LAMA4: variants seen among roughly 807,000 people sequenced by gnomAD.
The protein encoded by LAMA4 is laminin subunit alpha-4.
A neutral mutation model predicts 207.1 loss-of-function variants in LAMA4; 127 were observed. That is an observed-to-expected ratio of 0.61 (90% confidence interval 0.53 to 0.71). The LOEUF is 0.71. Ranked by LOEUF, LAMA4 falls within the 30% of genes least tolerant of loss-of-function variation. LAMA4 has a pLI of 0.00. For missense variants in LAMA4, 2,093 were observed against 2,246.5 expected, an observed-to-expected ratio of 0.93 and a Z score of 1.38; for synonymous variants, 761 against 816.0, an observed-to-expected ratio of 0.93 and a Z score of 1.15.
intron 2 of LAMA4, among the ~76,000 whole-genome samples, chr6:112,220,846 T>TG (rs1784884543): frequency 1.3e-5 from 2 of 152,168 alleles, no homozygotes; most frequent in Non-Finnish European, 2.9e-5. Context: ...AGTTATTAAA[T>TG]AAAGTGGGTA....
In LAMA4 at chr6:112,158,878, A is replaced by G. The variant is rs1554337654; in HGVS notation, c.1671T>C (p.Asn557=). The G allele has an allele frequency of 6.2e-7, 1 of 1,606,234 alleles. No homozygotes were observed. Among genetic ancestry groups the G allele is most frequent in the Admixed American group, 1.7e-5 (1 of 59,942 alleles). ...TLSELDDIIK[N]ASGIYAEIDG... ...CTATTTCTGCATAAATCCCTGACGC[A>G]TTCTAAAGAAAAAAATTTTAATAAA... Residue 557 remains asparagine, a splice_region_variant and synonymous_variant, in exon 14 of 39, where the codon AAT becomes AAC. Transcript: ENST00000230538.
chr6:112,253,523 G>T, intron 2 of LAMA4: 1 of 482,366 alleles, frequency 2.1e-6, no homozygotes, highest in Non-Finnish European at 3.8e-6. Flanking sequence ...TGTCTAATAT[G>T]AGACAAAAAG....
intron 6 of LAMA4, among the ~76,000 whole-genome samples, chr6:112,191,319 G>A (rs1326705257): frequency 6.6e-6 from 1 of 152,088 alleles, no homozygotes; most frequent in Non-Finnish European, 1.5e-5. Context: ...CCTGGTTAAT[G>A]GCAGGTAATC....
rs1035020919 is a variant in LAMA4 at position 112,128,966 on chromosome 6, T to C, written c.4243A>G (p.Lys1415Glu). Residue 1415 changes from lysine (K) to glutamate (E), a missense_variant, in exon 31 of 39, where the codon AAA (lysine) becomes GAA (glutamate). By Grantham distance (56) the Lys-to-Glu change is moderately conservative. This residue lies in a region of LAMA4 where 1,704 missense variants were observed against 1,788.4 expected (regional missense o/e 0.95). Coordinates refer to ENST00000230538, the MANE Select transcript of LAMA4 (RefSeq NM_001105206.3). ...ESSPLFLLHK[K>E]GKNLSKPKAS... ...TTAGGCTTGGATAAATTTTTTCCTT[T>C]TTTATGGAGGAGAAACAATGGTGAA... is the stretch of plus-strand genomic sequence containing the variant. 19 of 1,613,556 alleles carry C rather than the reference T, an allele frequency of 1.2e-5. No homozygotes were observed. Among genetic ancestry groups the C allele is most frequent in the Non-Finnish European group, 1.5e-5 (18 of 1,179,566 alleles).
intron 28 of LAMA4, among the ~76,000 whole-genome samples, chr6:112,131,546 GT>G (rs1779033281): frequency 6.6e-6 from 1 of 152,114 alleles, no homozygotes; most frequent in South Asian, 2.1e-4. Flanking sequence ...TTAAAAGCAA[GT>G]TAGCTCTTCT....
intron 25 of LAMA4, 95 bp downstream of exon 25, chr6:112,136,028 A>G (rs1327016857): frequency 1.1e-5 from 12 of 1,118,078 alleles, no homozygotes; most frequent in Middle Eastern, 2.2e-4. Context: ...CAGTTTATTT[A>G]CCATCCTGCC....
intron 8 of LAMA4, 140 bp from the exon 9 acceptor site, chr6:112,185,487 C>T: frequency 1.5e-6 from 1 of 649,100 alleles, no homozygotes. Flanking sequence ...CAGGCTGCTG[C>T]AGCCTGATAT....
chr6:112,184,442 G>A (rs1782564131), intron 9 of LAMA4, among the ~76,000 whole-genome samples: 1 of 152,134 alleles, frequency 6.6e-6, no homozygotes, highest in African/African-American at 2.4e-5. Context: ...CTGTTGCGGA[G>A]TGCGTTGAAT....
chr6:112,198,379 G>A (rs557188587), intron 5 of LAMA4, among the ~76,000 whole-genome samples: 1 of 152,178 alleles, frequency 6.6e-6, no homozygotes, highest in South Asian at 2.1e-4. Flanking sequence ...CAAATCAGTT[G>A]CATATTTAGA....
At chr6:112,184,887 A>G (rs1408968902) in intron 9 of LAMA4, among the ~76,000 whole-genome samples, 1 of 152,196 alleles carries the variant, frequency 6.6e-6, no homozygotes, top group Non-Finnish European at 1.5e-5. Context: ...ATTCTATATA[A>G]TAAATTTTAA....
chr6:112,191,950 G>T, intron 5 of LAMA4, 100 bp from the exon 6 acceptor site: 1 of 993,184 alleles, frequency 1.0e-6, no homozygotes, highest in South Asian at 1.4e-5. Context: ...GATATTTATT[G>T]ATTTCCCTCC....
At position 112,118,885 on chromosome 6, in the gene LAMA4, C is replaced by T. The variant is rs587681752; in HGVS notation, c.4821+271G>A. On this transcript the variant is annotated intron_variant, in intron 34 of 38. Coordinates refer to ENST00000230538, the MANE Select transcript of LAMA4 (RefSeq NM_001105206.3). The surrounding 1 kb of genome is among the most constrained non-coding windows in gnomAD (Gnocchi z 4.6). Reference sequence around the variant, plus strand: ...GGTACTTCCTGAACAAATAAGATCTCCTTGAGACATAAATTTTCATGATAA... The same window carrying T: ...GGTACTTCCTGAACAAATAAGATCTTCTTGAGACATAAATTTTCATGATAA... 6.6e-6 allele frequency among the ~76,000 whole-genome samples: 1 copy of T among 152,136 alleles called. No individual in the cohort carries two copies. The highest frequency in any genetic ancestry group is 2.4e-5 in the African/African-American group (1 of 41,514).
chr6:112,210,611 C>T (rs1233942456), intron 3 of LAMA4, among the ~76,000 whole-genome samples: 2 of 152,134 alleles, frequency 1.3e-5, no homozygotes, highest in Admixed American at 1.3e-4. Flanking sequence ...AGACTAGATC[C>T]ATGGATCTCT....
chr6:112,144,172 G>C (rs1225440255), intron 19 of LAMA4, among the ~76,000 whole-genome samples: 3 of 152,180 alleles, frequency 2.0e-5, no homozygotes, highest in Non-Finnish European at 4.4e-5. Context: ...GCTATGTCAG[G>C]AGATGTTCCT....
chr6:112,174,388 A>G (rs1022849111), intron 11 of LAMA4, among the ~76,000 whole-genome samples: 1 of 152,248 alleles, frequency 6.6e-6, no homozygotes, highest in Non-Finnish European at 1.5e-5. Flanking sequence ...TATATGTCAC[A>G]TGGAGCAGAG....
At chr6:112,230,331 A>T (rs1785471834) in intron 2 of LAMA4, among the ~76,000 whole-genome samples, 1 of 152,170 alleles carries the variant, frequency 6.6e-6, no homozygotes, top group Non-Finnish European at 1.5e-5. Flanking sequence ...CTTGCAGTGG[A>T]TGTAATTTCC....
chr6:112,233,907 C>A (rs1785716471), intron 2 of LAMA4, among the ~76,000 whole-genome samples: 1 of 152,126 alleles, frequency 6.6e-6, no homozygotes, highest in Non-Finnish European at 1.5e-5. Context: ...TCTTCAGCAA[C>A]CTTCTGGCTT....
rs1554358711 is a variant in LAMA4, at chr6:112,216,438, G to A, written c.227C>T (p.Ser76Leu). The A allele has an allele frequency of 9.9e-6, 16 of 1,613,674 alleles. No homozygotes were observed. Among genetic ancestry groups the A allele is most frequent in the South Asian group, 2.2e-5 (2 of 91,072 alleles). Residue 76 changes from serine (S) to leucine (L), a missense_variant, in exon 3 of 39, where the codon TCG becomes TTG. Physicochemically the swap from Ser to Leu is moderately radical, Grantham distance 145. Coordinates refer to ENST00000230538, the MANE Select transcript of LAMA4 (RefSeq NM_001105206.3). The part of the protein sequence containing the change: ...KCNAGFFHTL[S>L]GECVPCDCNG... ...ACAGTCGCAGGGCACACATTCTCCCGACAGGGTGTGAAAGAATCCAGCATT... is the reference window on the plus strand; with the variant it reads ...ACAGTCGCAGGGCACACATTCTCCCAACAGGGTGTGAAAGAATCCAGCATT...
chr6:112,239,824 G>A (rs1029656432), intron 2 of LAMA4, among the ~76,000 whole-genome samples: 1 of 152,068 alleles, frequency 6.6e-6, no homozygotes. Context: ...AGCACTTTGG[G>A]AGGCCGAGGC....
Sources: allele counts gnomAD v4.1 joint callset (sites outside exome capture counted in the v4.1 genomes callset), GRCh38; gene constraint gnomAD v4.1.1; regional missense constraint gnomAD v4.1.1; non-coding constraint Gnocchi (gnomAD v3.1); transcripts MANE v1.5; gene names NCBI Gene and HGNC (gene_info 2026-07-23, HGNC 2026-07-21).